Variants in NAPRT observed in about 807,000 individuals in gnomAD.
The protein encoded by NAPRT is FHA-HIT-interacting protein.
Under a neutral mutation model 60.7 loss-of-function variants are expected in NAPRT, and 66 were observed. The ratio of observed to expected loss-of-function variants is 1.09; its 90% confidence interval spans 0.89 to 1.33. NAPRT has a LOEUF of 1.33. Among genes scored for constraint, NAPRT ranks in the 40% most tolerant of loss-of-function variants. The pLI is 0.00. For missense variants in NAPRT, 818 were observed against 731.5 expected (o/e 1.12, Z -1.36); for synonymous variants, 405 against 335.7 (o/e 1.21, Z -2.26).
Position 143,578,201 on chromosome 8 carries a change from C to A in NAPRT, c.118G>T (p.Glu40Ter). The A allele has an allele frequency of 2.0e-6, 3 of 1,506,858 alleles. No individual in the cohort carries two copies. Among genetic ancestry groups the A allele is most frequent in the Non-Finnish European group, 2.6e-6 (3 of 1,132,684 alleles). 93.3% of individuals were successfully genotyped at this position (1,506,858 alleles called of 1,614,324 possible). A position where few individuals can be genotyped will look rare whatever the true frequency, so the allele number is the denominator to read the frequency against. Residue 40 changes from glutamate to a stop codon, truncating the protein, a stop_gained, in exon 1 of 13, where the codon GAG (glutamate) becomes TAG (stop). Coordinates refer to ENST00000449291, the MANE Select transcript of NAPRT (RefSeq NM_145201.6). LOFTEE classifies it high-confidence loss of function. ...WRAGRARDAAEFELFFRRCPF... is the reference protein window; with the variant it reads ...WRAGRARDAA The stretch of plus-strand genomic sequence containing the variant: ...CAGCGGCGGAAGAAGAGCTCGAACT[C>A]GGCGGCGTCCCGCGCCCGGCCCGCG...
At position 143,576,705 on chromosome 8, in the gene NAPRT, G is replaced by C. The variant is rs769715768; in HGVS notation, c.822C>G (p.Ala274=). The part of the protein sequence containing the change: ...PHPGERAAFV[A]YALAFPRAFQ... ...AGGCCCGGGGAAAAGCCAAGGCATA[G>C]GCCACAAAGGCTGCCCGCTCGCCTG... Residue 274 remains alanine (A), a synonymous_variant, in exon 6 of 13, where the codon GCC becomes GCG. Transcript: ENST00000449291. 4.3e-6 allele frequency: 7 copies of C among 1,610,670 alleles called. No homozygotes were observed. The highest frequency in any genetic ancestry group is 1.1e-5 in the South Asian group (1 of 90,888).
chr8:143,576,200 C>G (rs896955), intron 7 of NAPRT, 38 bp from the exon 8 acceptor site: 1 of 1,534,510 alleles, frequency 6.5e-7, no homozygotes. Flanking sequence ...GGCCACCCCT[C>G]GGGTCTTCCT....
chr8:143,576,935 T>C (rs904538298), intron 5 of NAPRT, 93 bp from the exon 6 acceptor site: 33 of 1,495,246 alleles, frequency 2.2e-5, no homozygotes, highest in Non-Finnish European at 3.0e-5. Context: ...GCAAAGGTAA[T>C]GCAGCCCGTG....
At position 143,578,275 on chromosome 8, in the gene NAPRT, G is replaced by GGCCGC. The variant is rs757537729; in HGVS notation, c.39_43dup (p.Pro15ArgfsTer92). 1 of 1,413,300 alleles carries GGCCGC rather than the reference G, an allele frequency of 7.1e-7. No individual in the cohort carries two copies. Among genetic ancestry groups the GGCCGC allele is most frequent in the Non-Finnish European group, 9.2e-7 (1 of 1,089,596 alleles). The allele number at this position is 1,413,300 out of a possible 1,614,324, so 87.5% of individuals were successfully genotyped here. A position where few individuals can be genotyped will look rare whatever the true frequency, so the allele number is the denominator to read the frequency against. Reference sequence around the variant, plus strand: ...GGCCTGGTAGAGGTCAGTGAGCAGCGGCCGCGCCGCCGCGCGCGCCTCGGG... The same window carrying GGCCGC: ...GGCCTGGTAGAGGTCAGTGAGCAGCGGCCGCGCCGCGCCGCCGCGCGCGCCTCGGG... On this transcript the variant is annotated frameshift_variant, in exon 1 of 13. Transcript: ENST00000449291. LOFTEE classifies it high-confidence loss of function.
In NAPRT at chr8:143,577,661, C is replaced by T; in HGVS notation, c.433G>A (p.Ala145Thr). The change falls in exon 3 of 13, where the codon GCC (alanine) becomes ACC (threonine). Residue 145 changes from alanine to threonine, a missense_variant. By Grantham distance (58) the Ala-to-Thr change is moderately conservative (BLOSUM62 0). Transcript: ENST00000449291. ...ETPLLCLVSY[A>T]SLVATNAARL... is the part of the protein sequence containing the mutation. ...TGCCAGTGGCCCGCAGCCCACCTGG[C>T]GTAGCTGACCAGGCAGAGCAGCGGT... 13 of 1,537,902 alleles carry T rather than the reference C, an allele frequency of 8.5e-6. No individual in the cohort carries two copies. The highest frequency in any genetic ancestry group is 1.1e-5 in the Non-Finnish European group (13 of 1,146,672).
chr8:143,574,693 G>C, downstream of NAPRT: 1 of 920,724 alleles, frequency 1.1e-6, no homozygotes, highest in Non-Finnish European at 1.7e-6. Flanking sequence ...CTGCTACCTC[G>C]AGCTCAGATT....
rs1176146501 is a variant in NAPRT, at chr8:143,574,934, G to A, written c.1555-34C>T. ...AGCAGAGGACAGGAGCGGTGGGCAGGGTGAGGGCGGGGGCGCACAGGGCAG... is the reference window on the plus strand; with the variant it reads ...AGCAGAGGACAGGAGCGGTGGGCAGAGTGAGGGCGGGGGCGCACAGGGCAG... On this transcript the variant is annotated intron_variant, in intron 12 of 12. Transcript: ENST00000449291. The A allele has an allele frequency of 8.4e-6, 13 of 1,550,186 alleles. No homozygotes were observed. The African/African-American group carries it at 1.5e-4, about 18-fold the overall frequency.
At chr8:143,576,970 G>T in intron 5 of NAPRT, 92 bp downstream of exon 5, 2 of 1,515,730 alleles carry the variant, frequency 1.3e-6, no homozygotes, top group Non-Finnish European at 1.8e-6. Context: ...CAGCACTGGG[G>T]TGACCTGCCT....
intron 8 of NAPRT, 27 bp downstream of exon 8, chr8:143,576,051 C>A: frequency 6.5e-7 from 1 of 1,545,712 alleles, no homozygotes; most frequent in South Asian, 1.2e-5. Flanking sequence ...CCCAGCCACC[C>A]TCCGCCTACC....
chr8:143,575,411 G>A lies in NAPRT; in HGVS notation c.1291+12C>T. 6.3e-7 allele frequency: 1 copy of A among 1,593,010 alleles called. No homozygotes were observed. The highest frequency in any genetic ancestry group is 1.1e-5 in the South Asian group (1 of 90,610). On this transcript the variant is annotated intron_variant, in intron 10 of 12. Coordinates refer to ENST00000449291, the MANE Select transcript of NAPRT (RefSeq NM_145201.6). ...TTGAAGGTGGACAGCAGGGGGGATG[G>A]GAGGGCCTCACCGTCAGAGCCCAGG...
At position 143,576,792 on chromosome 8, in the gene NAPRT, T is replaced by C; in HGVS notation, c.735A>G (p.Lys245=). 1 of 1,607,638 alleles carries C rather than the reference T, an allele frequency of 6.2e-7. No individual in the cohort carries two copies. The highest frequency in any genetic ancestry group is 8.5e-7 in the Non-Finnish European group (1 of 1,178,140). The change falls in exon 6 of 13, where the codon AAA becomes AAG. Residue 245 remains lysine (K), a synonymous_variant. Transcript: ENST00000449291. ...ACACCTGCTCCAGCCACACCTGGGC[T>C]TTGGCCGCCAGGTCCACCCCAGGGC... ...GEGPGVDLAA[K]AQVWLEQVCA...
intron 5 of NAPRT, 101 bp from the exon 6 acceptor site, chr8:143,576,943 G>A (rs1395165082): frequency 1.0e-5 from 15 of 1,492,694 alleles, no homozygotes; most frequent in Middle Eastern, 1.9e-4. Context: ...AATGCAGCCC[G>A]TGCCAGCTTC....
At chr8:143,576,869 G>T in intron 5 of NAPRT, 27 bp from the exon 6 acceptor site, 1 of 1,577,076 alleles carries the variant, frequency 6.3e-7, no homozygotes, top group Non-Finnish European at 8.6e-7. Flanking sequence ...GTGAAGAATG[G>T]GGGCCAGGAA....
chr8:143,572,878 T>C (rs111635741), downstream of NAPRT: 2,598 of 810,484 alleles, frequency 3.2e-3, 55 homozygotes, highest in African/African-American at 0.041. Context: ...CAATGGGCCT[T>C]TGAGGGGCCC....
Position 143,577,360 on chromosome 8 carries a change from T to A in NAPRT, c.477A>T (p.Ala159=). Residue 159 remains alanine (A), a synonymous_variant, in exon 4 of 13, where the codon GCA becomes GCT. Transcript: ENST00000449291. ...ATNAARLRLI[A]GPEKRLLEMG... is the part of the protein sequence containing the mutation. Reference sequence around the variant, plus strand: ...TCTCTAGCAGCCGCTTCTCTGGCCCTGCGATCAAGCGAAGCCGCGCTGCGT... The same window carrying A: ...TCTCTAGCAGCCGCTTCTCTGGCCCAGCGATCAAGCGAAGCCGCGCTGCGT... 3 of 1,608,196 alleles carry A rather than the reference T, an allele frequency of 1.9e-6. No individual in the cohort carries two copies. The South Asian group carries it at 3.3e-5, about 18-fold the overall frequency.
In NAPRT at chr8:143,575,789, C is replaced by T; in HGVS notation, c.1108-87G>A. 3 of 533,444 alleles carry T rather than the reference C, an allele frequency of 5.6e-6. No individual in the cohort carries two copies. The South Asian group carries it at 7.5e-5, about 13-fold the overall frequency. The allele number at this position is 533,444 out of a possible 1,614,324, so 33.0% of individuals were successfully genotyped here. A position where few individuals can be genotyped will look rare whatever the true frequency, so the allele number is the denominator to read the frequency against. ...GCCCTGGGTGGGGAAGGAGGTGGCACTGCCCTGGGTGGGGAAGGGGGTGGC... is the reference window on the plus strand; with the variant it reads ...GCCCTGGGTGGGGAAGGAGGTGGCATTGCCCTGGGTGGGGAAGGGGGTGGC... On this transcript the variant is annotated intron_variant, in intron 8 of 12. Coordinates refer to ENST00000449291, the MANE Select transcript of NAPRT (RefSeq NM_145201.6).
chr8:143,576,311 C>CCTGCCACGGCCTGCCACGGCCTTACTT, intron 7 of NAPRT, 121 bp downstream of exon 7: 1 of 1,443,400 alleles, frequency 6.9e-7, no homozygotes, highest in Middle Eastern at 1.9e-4. Context: ...CCACTTACTT[C>CCTGCCACGGCCTGCCACGGCCTTACTT]CCTGCCACGG....
Position 143,577,110 on chromosome 8 carries a change from G to A in NAPRT, c.636C>T (p.Ala212=), listed in dbSNP as rs771558614. The A allele has an allele frequency of 4.3e-6, 7 of 1,612,914 alleles. No individual in the cohort carries two copies. The South Asian group carries it at 6.6e-5, about 15-fold the overall frequency. Residue 212 remains alanine, a synonymous_variant, in exon 5 of 13, where the codon GCC becomes GCT. Coordinates refer to ENST00000449291, the MANE Select transcript of NAPRT (RefSeq NM_145201.6). Reference sequence around the variant, plus strand: ...CTGAAAAGGAAGTGACGAAGGAGTGGGCCAGGGTCCCGGCCACCGGCACAC... The same window carrying A: ...CTGAAAAGGAAGTGACGAAGGAGTGAGCCAGGGTCCCGGCCACCGGCACAC... ...LRGVPVAGTL[A]HSFVTSFSGS...
chr8:143,576,626 C>T lies in NAPRT; in HGVS notation c.881+20G>A. On this transcript the variant is annotated intron_variant, in intron 6 of 12. Coordinates refer to ENST00000449291, the MANE Select transcript of NAPRT (RefSeq NM_145201.6). ...CTGCTGAGGTTCTGCTGAGCCCACC[C>T]CTAAAGTGCCCGGGCTCACCTCCAC... The T allele has an allele frequency of 4.4e-6, 7 of 1,605,550 alleles. No homozygotes were observed. Among genetic ancestry groups the T allele is most frequent in the Non-Finnish European group, 6.0e-6 (7 of 1,174,996 alleles).
Sources: gnomAD v4.1 joint callset for allele counts on GRCh38, gnomAD v4.1.1 for gene constraint, MANE v1.5 for transcripts, NCBI Gene and HGNC (gene_info 2026-07-23, HGNC 2026-07-21) for gene names.